Variants in COBL observed in about 807,000 individuals in gnomAD.
COBL encodes cordon-bleu WH2 repeat protein.
COBL carries 51 observed loss-of-function variants against 98.8 expected under a neutral mutation model. The ratio of observed to expected loss-of-function variants is 0.52; its 90% CI spans 0.41 to 0.65. The LOEUF (loss-of-function observed/expected upper bound fraction) is 0.65, where lower values mean the gene tolerates loss of function less well. Among genes scored for constraint, COBL ranks in the 30% least tolerant of loss-of-function variants. The pLI is 0.00. For synonymous variants in COBL, 634 were observed against 651.7 expected, an observed-to-expected ratio of 0.97 and a Z score of 0.41; for missense variants, 1,617 against 1,617.5, an observed-to-expected ratio of 1.00 and a Z score of 0.01.
chr7:51,071,038 CAT>C (rs1387985591), intron 7 of COBL: 2 of 152,178 alleles, frequency 1.3e-5, no homozygotes, highest in Non-Finnish European at 2.9e-5. Flanking sequence ...AAAAATAATG[CAT>C]AGTTTTTCTT....
In COBL at chr7:51,182,574, G is replaced by A. The variant is rs145305330; in HGVS notation, c.783+1528C>T. Among the ~76,000 whole-genome samples the A allele has an allele frequency of 7.4e-3, 1,114 of 151,288 alleles. 15 individuals carry two copies. The highest frequency in any genetic ancestry group is 0.026 in the African/African-American group (1,070 of 41,366). ...TGGGATTACAGTTGTGAGCCACCGCGCCCGGCCACAAAATTCTGCTTCTGT... is the reference window on the plus strand; with the variant it reads ...TGGGATTACAGTTGTGAGCCACCGCACCCGGCCACAAAATTCTGCTTCTGT... On this transcript the variant is annotated intron_variant, in intron 5 of 12. Transcript: ENST00000265136.
intron 1 of COBL, among the ~76,000 whole-genome samples, chr7:51,307,093 C>T (rs757587128): frequency 6.6e-6 from 1 of 152,122 alleles, no homozygotes; most frequent in Admixed American, 6.5e-5. Flanking sequence ...GCCCATAATC[C>T]GAGTGCTCTG....
At chr7:51,157,141 C>G (rs1786245548) in intron 5 of COBL, among the ~76,000 whole-genome samples, 1 of 152,214 alleles carries the variant, frequency 6.6e-6, no homozygotes, top group African/African-American at 2.4e-5. Context: ...AAGGCCGAGG[C>G]AGGCGGATCA....
At chr7:51,041,015 A>G (rs184331655) in intron 8 of COBL, among the ~76,000 whole-genome samples, 2 of 152,268 alleles carry the variant, frequency 1.3e-5, no homozygotes, top group East Asian at 3.8e-4. Context: ...ACTGCAGAAC[A>G]GACGTGGAGA....
At chr7:51,229,677 GT>G (rs1361246788) in intron 1 of COBL, among the ~76,000 whole-genome samples, 1 of 152,170 alleles carries the variant, frequency 6.6e-6, no homozygotes, top group Non-Finnish European at 1.5e-5. Context: ...TCCTAAAGGA[GT>G]TTTGATTTTT....
At chr7:51,294,295 C>CATAAATAAATAAATAAATAAATAA (rs201170093) in intron 1 of COBL, among the ~76,000 whole-genome samples, 1 of 138,910 alleles carries the variant, frequency 7.2e-6, no homozygotes, top group African/African-American at 2.7e-5. Flanking sequence ...CATCTCAAAA[C>CATAAATAAATAAATAAATAAATAA]ATAAATAAAT....
intron 1 of COBL, among the ~76,000 whole-genome samples, chr7:51,301,321 G>A (rs1008448381): frequency 3.3e-5 from 5 of 152,172 alleles, no homozygotes; most frequent in Non-Finnish European, 7.3e-5. Context: ...TTCAACTACC[G>A]CGCCTGGCAT....
At chr7:51,024,654 TG>T (rs1787326008) in intron 12 of COBL, among the ~76,000 whole-genome samples, 1 of 310 alleles carries the variant, frequency 3.2e-3, no homozygotes, top group Non-Finnish European at 7.2e-3. Context: ...CATGTACGAG[TG>T]AATGAATGAA....
chr7:51,061,574 G>A (rs960286593), intron 7 of COBL, among the ~76,000 whole-genome samples: 1 of 152,124 alleles, frequency 6.6e-6, no homozygotes, highest in Non-Finnish European at 1.5e-5. Context: ...TAAGCAAGGG[G>A]TGTTCGGGTA....
chr7:51,151,923 G>A (rs149212990), intron 5 of COBL, among the ~76,000 whole-genome samples: 10 of 152,306 alleles, frequency 6.6e-5, no homozygotes, highest in South Asian at 6.2e-4. Flanking sequence ...ACCCTCAGCC[G>A]CCTGTGGCCA....
intron 1 of COBL, among the ~76,000 whole-genome samples, chr7:51,234,190 T>G (rs776562793): frequency 2.0e-4 from 31 of 152,236 alleles, no homozygotes; most frequent in Non-Finnish European, 3.4e-4. Flanking sequence ...CATCGTGAAC[T>G]GTCTCTCAAA....
At chr7:51,059,422 G>A (rs1791097303) in intron 7 of COBL, among the ~76,000 whole-genome samples, 1 of 152,170 alleles carries the variant, frequency 6.6e-6, no homozygotes, top group South Asian at 2.1e-4. Flanking sequence ...AGGACTTACT[G>A]TATAATCATT....
intron 6 of COBL, among the ~76,000 whole-genome samples, chr7:51,128,226 C>T (rs1798403872): frequency 6.6e-6 from 1 of 152,316 alleles, no homozygotes; most frequent in South Asian, 2.1e-4. Context: ...GCAGCTCAGC[C>T]TGGTCTGAGA....
chr7:51,038,902 C>T (rs181086762), intron 8 of COBL, among the ~76,000 whole-genome samples: 1 of 152,356 alleles, frequency 6.6e-6, no homozygotes, highest in East Asian at 1.9e-4. Flanking sequence ...CATGTCACAG[C>T]TAGGTCCTAC....
intron 1 of COBL, among the ~76,000 whole-genome samples, chr7:51,295,526 A>G (rs1051829826): frequency 1.3e-5 from 2 of 152,238 alleles, no homozygotes; most frequent in Non-Finnish European, 2.9e-5. Context: ...TCACTGATAC[A>G]GGCCTGTCCT....
chr7:51,086,636 G>T (rs1029831880), intron 6 of COBL, among the ~76,000 whole-genome samples: 4 of 152,014 alleles, frequency 2.6e-5, no homozygotes, highest in African/African-American at 9.7e-5. Context: ...GAGGGAGAGA[G>T]AGAGAGAGAG....
intron 6 of COBL, among the ~76,000 whole-genome samples, chr7:51,111,002 GT>G (rs1796773244): frequency 1.3e-5 from 2 of 152,224 alleles, no homozygotes; most frequent in Non-Finnish European, 2.9e-5. Flanking sequence ...AAACATGCGT[GT>G]GCAAGTATCT....
intron 1 of COBL, among the ~76,000 whole-genome samples, chr7:51,246,050 T>A (rs948498749): frequency 6.6e-6 from 1 of 152,206 alleles, no homozygotes. Flanking sequence ...TATGTGTCAT[T>A]TATTTTTAAG....
intron 7 of COBL, among the ~76,000 whole-genome samples, chr7:51,076,163 G>C (rs1177083926): frequency 6.6e-6 from 1 of 152,222 alleles, no homozygotes; most frequent in Non-Finnish European, 1.5e-5. Context: ...TGTTTCATGG[G>C]TGTTTCCCAC....
Sources: allele counts gnomAD v4.1 joint callset (sites outside exome capture counted in the v4.1 genomes callset), GRCh38; gene constraint gnomAD v4.1.1; transcripts MANE v1.5; gene names NCBI Gene and HGNC (gene_info 2026-07-23, HGNC 2026-07-21).